LINGO2: variants seen among roughly 807,000 people sequenced by gnomAD.
LINGO2 encodes the protein leucine rich repeat and Ig domain containing 2.
Under a neutral mutation model 30.6 loss-of-function variants are expected in LINGO2, and 14 were observed. The ratio of observed to expected loss-of-function variants is 0.46; its 90% confidence interval spans 0.30 to 0.72. The LOEUF is 0.72. LINGO2 is among the 30% of genes least tolerant of loss of function. LINGO2 has a pLI of 0.07. For missense variants in LINGO2, 729 were observed against 751.7 expected, an observed-to-expected ratio of 0.97 and a Z score of 0.35; for synonymous variants, 317 against 288.5, an observed-to-expected ratio of 1.10 and a Z score of -1.00.
chr9:28,821,393 A>G, the LINGO2 span, among the ~76,000 whole-genome samples: 1 of 152,234 alleles, frequency 6.6e-6, no homozygotes, highest in South Asian at 2.1e-4. Flanking sequence ...CAAGGGAAGT[A>G]GCAATAATGT....
the LINGO2 span, among the ~76,000 whole-genome samples, chr9:29,138,250 G>A: frequency 6.6e-6 from 1 of 151,960 alleles, no homozygotes; most frequent in Non-Finnish European, 1.5e-5. Context: ...TGATAAATCT[G>A]CCTAAATTAC....
the LINGO2 span, among the ~76,000 whole-genome samples, chr9:28,821,731 G>A: frequency 2.0e-5 from 3 of 152,156 alleles, no homozygotes; most frequent in Non-Finnish European, 4.4e-5. Context: ...AAGGTGCTTG[G>A]GCAGCAAAAG....
chr9:27,994,418 A>G (rs1364503692), intron 5 of LINGO2, among the ~76,000 whole-genome samples: 1 of 152,140 alleles, frequency 6.6e-6, no homozygotes, highest in Non-Finnish European at 1.5e-5. Flanking sequence ...CAAATAAGTA[A>G]AATTGTTAGA....
intron 5 of LINGO2, among the ~76,000 whole-genome samples, chr9:28,004,217 T>C (rs959416294): frequency 3.3e-5 from 5 of 151,852 alleles, no homozygotes; most frequent in African/African-American, 1.2e-4. Flanking sequence ...AATTAATCAT[T>C]TCCCATGATA....
chr9:28,435,422 G>A (rs1384791569), intron 2 of LINGO2, among the ~76,000 whole-genome samples: 1 of 152,130 alleles, frequency 6.6e-6, no homozygotes, highest in African/African-American at 2.4e-5. Flanking sequence ...AGCAAAAATT[G>A]TGATGCCTCA....
chr9:28,256,130 C>A (rs1822375541), intron 4 of LINGO2, among the ~76,000 whole-genome samples: 1 of 151,936 alleles, frequency 6.6e-6, no homozygotes, highest in Admixed American at 6.6e-5. Context: ...GAGTTGTGAC[C>A]ACACTCCAGC....
chr9:28,815,074 T>C, the LINGO2 span, among the ~76,000 whole-genome samples: 1 of 152,220 alleles, frequency 6.6e-6, no homozygotes, highest in Non-Finnish European at 1.5e-5. Context: ...TTTCAAATTC[T>C]ATAGAGAGGC....
intron 1 of LINGO2, among the ~76,000 whole-genome samples, chr9:28,538,488 A>C (rs563169026): frequency 6.6e-5 from 10 of 152,266 alleles, no homozygotes; most frequent in Non-Finnish European, 1.0e-4. Flanking sequence ...AGAATGCATA[A>C]TTTTAAATTA....
At chr9:29,133,609 A>C in the LINGO2 span, among the ~76,000 whole-genome samples, 1 of 152,058 alleles carries the variant, frequency 6.6e-6, no homozygotes, top group East Asian at 1.9e-4. Flanking sequence ...TAAAATGCAA[A>C]ATTTCAAAGA....
the LINGO2 span, among the ~76,000 whole-genome samples, chr9:29,084,643 A>T: frequency 6.6e-6 from 1 of 151,950 alleles, no homozygotes; most frequent in Non-Finnish European, 1.5e-5. Context: ...AAACTCCTTT[A>T]CATCTCATAC....
chr9:28,783,739 T>C, the LINGO2 span, among the ~76,000 whole-genome samples: 1 of 152,222 alleles, frequency 6.6e-6, no homozygotes, highest in Non-Finnish European at 1.5e-5. Flanking sequence ...ACAAAATCAA[T>C]GTCTTAGTCA....
chr9:29,149,291 C>T, the LINGO2 span, among the ~76,000 whole-genome samples: 1 of 151,734 alleles, frequency 6.6e-6, no homozygotes, highest in African/African-American at 2.4e-5. Flanking sequence ...ACATTCAAGA[C>T]CAGCCTGGGC....
chr9:28,391,819 G>C (rs1301429044), intron 2 of LINGO2, among the ~76,000 whole-genome samples: 1 of 151,902 alleles, frequency 6.6e-6, no homozygotes, highest in Non-Finnish European at 1.5e-5. Flanking sequence ...ACCTACTCTA[G>C]GCACGTGGGC....
intron 4 of LINGO2, among the ~76,000 whole-genome samples, chr9:28,266,090 T>C (rs1202938516): frequency 6.6e-6 from 1 of 152,030 alleles, no homozygotes; most frequent in Non-Finnish European, 1.5e-5. Flanking sequence ...AAACTAAGTA[T>C]GCCTTTTCTT....
Position 28,049,430 on chromosome 9 carries a change from G to A in LINGO2, c.-86-37025C>T, listed in dbSNP as rs780464805. ...AAAACATATTAGATCTTATTTCTACGGGATGGGTAGAGTTAGCGAGGCAAA... is the reference window on the plus strand; with the variant it reads ...AAAACATATTAGATCTTATTTCTACAGGATGGGTAGAGTTAGCGAGGCAAA... On this transcript the variant is annotated intron_variant, in intron 4 of 5. Transcript: ENST00000379992. Among the ~76,000 whole-genome samples, 11 of 150,288 alleles carry A rather than the reference G, an allele frequency of 7.3e-5. 1 individual carries two copies. Among genetic ancestry groups the A allele is most frequent in the South Asian group, 2.1e-4 (1 of 4,676 alleles).
At chr9:29,091,930 A>G in the LINGO2 span, among the ~76,000 whole-genome samples, 2 of 152,058 alleles carry the variant, frequency 1.3e-5, no homozygotes, top group African/African-American at 2.4e-5. Context: ...ACACAAAACT[A>G]TAAGAAAGTA....
chr9:29,042,649 C>A, the LINGO2 span, among the ~76,000 whole-genome samples: 1 of 151,662 alleles, frequency 6.6e-6, no homozygotes, highest in South Asian at 2.1e-4. Flanking sequence ...TTTTAATTGG[C>A]AAAAGAAAAA....
intron 4 of LINGO2, among the ~76,000 whole-genome samples, chr9:28,256,358 A>C (rs1468763227): frequency 1.3e-5 from 2 of 151,924 alleles, no homozygotes; most frequent in African/African-American, 4.8e-5. Flanking sequence ...ACTATTGATT[A>C]ATTCTTTAAG....
chr9:28,936,184 T>C, the LINGO2 span, among the ~76,000 whole-genome samples: 850 of 152,332 alleles, frequency 5.6e-3, 12 homozygotes, highest in African/African-American at 0.019. Context: ...AGACTAATTT[T>C]TCACCATCTG....
Sources: gnomAD v4.1 joint callset for allele counts (sites outside exome capture counted in the v4.1 genomes callset) on GRCh38, gnomAD v4.1.1 for gene constraint, MANE v1.5 for transcripts, NCBI Gene and HGNC (gene_info 2026-07-23, HGNC 2026-07-21) for gene names.